Variants in NAALADL2 observed in about 807,000 individuals in gnomAD.
NAALADL2 encodes the protein N-acetylated alpha-linked acidic dipeptidase like 2.
In NAALADL2, 76 loss-of-function variants were observed where a neutral mutation model predicts 87.2. That is an observed-to-expected ratio of 0.87 (90% CI 0.72 to 1.05). The LOEUF (loss-of-function observed/expected upper bound fraction) is 1.05, where lower values mean the gene tolerates loss of function less well. Among genes scored for constraint, NAALADL2 ranks in the 50% least tolerant of loss-of-function variants. NAALADL2 has a pLI of 0.00. For missense variants in NAALADL2, 1,089 were observed against 945.8 expected (o/e 1.15, Z -1.99); for synonymous variants, 354 against 331.0 (o/e 1.07, Z -0.75).
chr3:174,823,437 AC>A (rs1721641904), intron 3 of NAALADL2, among the ~76,000 whole-genome samples: 1 of 152,204 alleles, frequency 6.6e-6, no homozygotes, highest in Non-Finnish European at 1.5e-5. Flanking sequence ...GGGCAAATTT[AC>A]AAAAGACCAC....
intron 5 of NAALADL2, among the ~76,000 whole-genome samples, chr3:175,329,715 T>C (rs1347454227): frequency 6.6e-6 from 1 of 152,224 alleles, no homozygotes; most frequent in Non-Finnish European, 1.5e-5. Context: ...CAGATTTACA[T>C]GTCATATTAT....
rs1553931412 is a variant in NAALADL2, at chr3:175,605,652, T to TTTTTGTTTTTTG, written c.1801-21635_1801-21634insGTTTTTTGTTTT. 1.7e-4 allele frequency among the ~76,000 whole-genome samples: 25 copies of TTTTTGTTTTTTG among 150,722 alleles called. 1 individual carries two copies. The highest frequency in any genetic ancestry group is 6.1e-4 in the African/African-American group (25 of 41,266). ...ATGTATATTGCTTGTTTTTTTTTTT[T>TTTTTGTTTTTTG]TTTTAACTGTATTTAGATAACACGT... On this transcript the variant is annotated intron_variant, in intron 10 of 13. Transcript: ENST00000454872.
intron 1 of NAALADL2, among the ~76,000 whole-genome samples, chr3:174,534,361 A>G (rs1375347281): frequency 1.3e-5 from 2 of 152,218 alleles, no homozygotes; most frequent in Non-Finnish European, 2.9e-5. Context: ...TTGGAATGCT[A>G]TTTAAATTCA....
At chr3:175,435,093 ATATT>A (rs1292364601) in intron 5 of NAALADL2, among the ~76,000 whole-genome samples, 4 of 152,080 alleles carry the variant, frequency 2.6e-5, no homozygotes, top group Non-Finnish European at 5.9e-5. Context: ...GATTTAAAAA[ATATT>A]TATCAGTATC....
intron 2 of NAALADL2, among the ~76,000 whole-genome samples, chr3:174,612,430 C>T (rs956567804): frequency 6.6e-6 from 1 of 152,054 alleles, no homozygotes; most frequent in African/African-American, 2.4e-5. Flanking sequence ...CTTAGATTTA[C>T]CTTTTGAAGA....
At chr3:175,609,040 T>A (rs1724202703) in intron 10 of NAALADL2, among the ~76,000 whole-genome samples, 1 of 152,118 alleles carries the variant, frequency 6.6e-6, no homozygotes, top group South Asian at 2.1e-4. Flanking sequence ...TACTAAGCGC[T>A]CTTTCTGTGT....
At chr3:175,751,164 T>C (rs1746577820) in intron 12 of NAALADL2, among the ~76,000 whole-genome samples, 2 of 152,166 alleles carry the variant, frequency 1.3e-5, no homozygotes, top group African/African-American at 4.8e-5. Flanking sequence ...CCAGGAGCAG[T>C]GATCTAAAAG....
chr3:175,513,432 C>T (rs1731429753), intron 9 of NAALADL2, among the ~76,000 whole-genome samples: 1 of 152,130 alleles, frequency 6.6e-6, no homozygotes. Context: ...AGAACATTTT[C>T]ATTATTACTG....
At chr3:174,830,921 T>A (rs1208607120) in intron 3 of NAALADL2, among the ~76,000 whole-genome samples, 37 of 151,336 alleles carry the variant, frequency 2.4e-4, no homozygotes, top group Admixed American at 5.9e-4. Context: ...CTGTTGTTGG[T>A]GTATAAGAAT....
At chr3:174,966,966 A>G (rs914036636) in intron 1 of NAALADL2, among the ~76,000 whole-genome samples, 4 of 152,186 alleles carry the variant, frequency 2.6e-5, no homozygotes, top group African/African-American at 7.2e-5. Flanking sequence ...GTTATCACAG[A>G]AAGTATAGGA....
intron 11 of NAALADL2, among the ~76,000 whole-genome samples, chr3:175,663,153 T>A (rs1732497438): frequency 1.3e-5 from 2 of 150,810 alleles, no homozygotes; most frequent in East Asian, 3.9e-4. Context: ...GCTTTTTTAT[T>A]TTATTTTATT....
chr3:174,485,921 G>A (rs1478665405), intron 1 of NAALADL2, among the ~76,000 whole-genome samples: 1 of 151,950 alleles, frequency 6.6e-6, no homozygotes. Flanking sequence ...TATGATTTAA[G>A]GAAGGTGTCC....
At position 175,336,882 on chromosome 3, in the gene NAALADL2, C is replaced by CAGAATAGAATATGCAAT. The variant is rs1010025381; in HGVS notation, c.1090+12566_1090+12567insTATGCAATAGAATAGAA. Among the ~76,000 whole-genome samples the CAGAATAGAATATGCAAT allele has an allele frequency of 5.3e-5, 8 of 152,104 alleles. No individual in the cohort carries two copies. The South Asian group carries it at 1.7e-3, about 32-fold the overall frequency. ...TTGGGTGATTTTTCCATTTCAGTGA[C>CAGAATAGAATATGCAAT]AGAATAGAAAATGCAATTTTATCTT... On this transcript the variant is annotated intron_variant, in intron 5 of 13. Transcript: ENST00000454872.
chr3:175,793,960 C>A (rs1290141646), intron 13 of NAALADL2, among the ~76,000 whole-genome samples: 2 of 151,968 alleles, frequency 1.3e-5, no homozygotes, highest in Admixed American at 6.6e-5. Flanking sequence ...GAGTGAACTT[C>A]AAAACACATA....
At chr3:174,475,087 A>G (rs915779991) in intron 1 of NAALADL2, among the ~76,000 whole-genome samples, 2 of 151,968 alleles carry the variant, frequency 1.3e-5, no homozygotes, top group African/African-American at 4.8e-5. Flanking sequence ...AATCATTTAG[A>G]TTCTTACCTA....
chr3:175,698,459 G>T lies in NAALADL2; in HGVS notation c.1897-38847G>T, dbSNP rs1403162556. On this transcript the variant is annotated intron_variant, in intron 11 of 13. Coordinates refer to ENST00000454872, the MANE Select transcript of NAALADL2 (RefSeq NM_207015.3). The stretch of plus-strand genomic sequence containing the variant: ...TATATTTATGTATGTATACATATAT[G>T]TGTATATATGTGTGTATATATATTT... Among the ~76,000 whole-genome samples the T allele has an allele frequency of 3.2e-4, 37 of 115,136 alleles. 9 individuals are homozygous for T. Among genetic ancestry groups the T allele is most frequent in the African/African-American group, 1.5e-3 (35 of 23,634 alleles). 75.5% of individuals were successfully genotyped at this position (115,136 alleles called of 152,430 possible).
At chr3:174,678,003 T>G (rs114791924) in intron 2 of NAALADL2, among the ~76,000 whole-genome samples, 1,580 of 152,254 alleles carry the variant, frequency 0.01, 33 homozygotes, top group African/African-American at 0.036. Flanking sequence ...CAACTGGGCT[T>G]GTGGGATAAC....
intron 10 of NAALADL2, among the ~76,000 whole-genome samples, chr3:175,577,570 G>C (rs559393573): frequency 6.6e-6 from 1 of 152,184 alleles, no homozygotes; most frequent in African/African-American, 2.4e-5. Flanking sequence ...ATTATCCTAA[G>C]GCTAAAGTCT....
chr3:174,727,210 A>C (rs1465507658), intron 2 of NAALADL2, among the ~76,000 whole-genome samples: 1 of 149,408 alleles, frequency 6.7e-6, no homozygotes. Context: ...TTTTTTCAAT[A>C]TTTTGACTAT....
Sources: gnomAD v4.1 joint callset for allele counts (sites outside exome capture counted in the v4.1 genomes callset) on GRCh38, gnomAD v4.1.1 for gene constraint, MANE v1.5 for transcripts, NCBI Gene and HGNC (gene_info 2026-07-23, HGNC 2026-07-21) for gene names.